C9: variants seen among roughly 807,000 people sequenced by gnomAD.
C9 encodes the protein complement component C9.
In C9, 63 loss-of-function variants were observed where a neutral mutation model predicts 65.4. The observed-to-expected ratio is 0.96, with a 90% CI of 0.79 to 1.19. C9 has a LOEUF of 1.19. C9 is among the 50% of genes most tolerant of loss of function. The probability of loss-of-function intolerance (pLI) is 0.00; values close to 1 mark genes in which losing one functional copy is unlikely to be tolerated. For synonymous variants in C9, 229 were observed against 227.9 expected (o/e 1.00, Z -0.04); for missense variants, 744 against 670.1 (o/e 1.11, Z -1.22).
chr5:39,328,450 G>C (rs1275747264), intron 5 of C9, among the ~76,000 whole-genome samples: 1 of 152,164 alleles, frequency 6.6e-6, no homozygotes, highest in East Asian at 1.9e-4. Context: ...TATAATGCTA[G>C]CTGTTTTTGT....
In C9 at chr5:39,285,382, A is replaced by G. The variant is rs539072742; in HGVS notation, c.1646-149T>C. ...CTGGGAATAGAATGTGGTGTAAGGT[A>G]CAAGGCACATTTTCATACCAGAAAG... On this transcript the variant is annotated intron_variant, in intron 10 of 10. Transcript: ENST00000263408. 781 of 700,826 alleles carry G rather than the reference A, an allele frequency of 1.1e-3. 8 individuals are homozygous for G. In the South Asian group the frequency reaches 0.012, roughly 11 times the overall value. 43.4% of individuals were successfully genotyped at this position (700,826 alleles called of 1,614,324 possible). A position where few individuals can be genotyped will look rare whatever the true frequency, so the allele number is the denominator to read the frequency against.
chr5:39,305,843 T>C (rs1216656203), intron 9 of C9, among the ~76,000 whole-genome samples: 2 of 152,128 alleles, frequency 1.3e-5, no homozygotes, highest in Non-Finnish European at 2.9e-5. Flanking sequence ...TATTTTCTTG[T>C]AGACTTTATG....
intron 1 of C9, among the ~76,000 whole-genome samples, chr5:39,347,280 C>T (rs1754216303): frequency 6.6e-6 from 1 of 152,174 alleles, no homozygotes; most frequent in Non-Finnish European, 1.5e-5. Flanking sequence ...ACTCCCTTGT[C>T]TCAGCCCCAA....
chr5:39,338,516 G>A (rs1167233282), intron 4 of C9, among the ~76,000 whole-genome samples: 2 of 152,136 alleles, frequency 1.3e-5, no homozygotes, highest in Non-Finnish European at 2.9e-5. Flanking sequence ...ATACAGTGTG[G>A]AAAAATATTT....
At chr5:39,306,838 G>T in intron 8 of C9, 46 bp from the exon 9 acceptor site, 1 of 1,368,830 alleles carries the variant, frequency 7.3e-7, no homozygotes, top group Non-Finnish European at 1.0e-6. Context: ...GAAGTTTAAA[G>T]AGAAGCCAGT....
chr5:39,290,288 A>C (rs1234520265), intron 9 of C9, among the ~76,000 whole-genome samples: 3 of 151,886 alleles, frequency 2.0e-5, no homozygotes, highest in African/African-American at 7.2e-5. Context: ...TAACATATAC[A>C]GGGAAATTTA....
At chr5:39,348,398 C>T (rs1377516361) in intron 1 of C9, among the ~76,000 whole-genome samples, 2 of 152,178 alleles carry the variant, frequency 1.3e-5, no homozygotes, top group Non-Finnish European at 2.9e-5. Context: ...GACATTTATG[C>T]AACCAACAGA....
Position 39,363,372 on chromosome 5 carries a change from C to T in C9, c.77+1016G>A, listed in dbSNP as rs1579888695. Among the ~76,000 whole-genome samples the T allele has an allele frequency of 2.0e-5, 3 of 152,264 alleles. No individual in the cohort carries two copies. In the South Asian group the frequency reaches 6.2e-4, roughly 32 times the overall value. Reference sequence around the variant, plus strand: ...TGAATAACCCACTTGTTGAGTGGAGCCCAGGCTGAATGGCGGCCTCCAACT... The same window carrying T: ...TGAATAACCCACTTGTTGAGTGGAGTCCAGGCTGAATGGCGGCCTCCAACT... On this transcript the variant is annotated intron_variant, in intron 1 of 10. Coordinates refer to ENST00000263408, the MANE Select transcript of C9 (RefSeq NM_001737.5).
At chr5:39,288,691 G>C in intron 10 of C9, 32 bp downstream of exon 10, 1 of 1,223,310 alleles carries the variant, frequency 8.2e-7, no homozygotes, top group South Asian at 1.2e-5. Context: ...GCATATTTTT[G>C]TCTTTAATCA....
At chr5:39,329,769 T>C (rs933185625) in intron 5 of C9, among the ~76,000 whole-genome samples, 2 of 152,198 alleles carry the variant, frequency 1.3e-5, no homozygotes, top group Admixed American at 6.5e-5. Context: ...AAGTATAATA[T>C]GTATAATTTG....
At chr5:39,347,406 T>G (rs1362151168) in intron 1 of C9, among the ~76,000 whole-genome samples, 1 of 152,096 alleles carries the variant, frequency 6.6e-6, no homozygotes. Context: ...AAATCATGAG[T>G]GAACTCCCAT....
At chr5:39,344,040 G>T (rs1004829638) in intron 1 of C9, among the ~76,000 whole-genome samples, 5 of 152,122 alleles carry the variant, frequency 3.3e-5, no homozygotes, top group Non-Finnish European at 7.4e-5. Context: ...CATCATCAAA[G>T]ACCAAAGGTA....
At chr5:39,359,008 T>A (rs1416796134) in intron 1 of C9, among the ~76,000 whole-genome samples, 20 of 52,952 alleles carry the variant, frequency 3.8e-4, no homozygotes, top group African/African-American at 2.0e-3. Flanking sequence ...AATAAATAAA[T>A]AAATAAAAAA....
chr5:39,325,655 C>T (rs1753734890), intron 5 of C9, among the ~76,000 whole-genome samples: 2 of 151,792 alleles, frequency 1.3e-5, no homozygotes, highest in African/African-American at 4.8e-5. Flanking sequence ...GCCTCAAATC[C>T]CAGCTACTCA....
chr5:39,327,506 TAAG>T (rs1026639132), intron 5 of C9, among the ~76,000 whole-genome samples: 65 of 152,268 alleles, frequency 4.3e-4, no homozygotes, highest in African/African-American at 1.6e-3. Context: ...AAGAATGTCT[TAAG>T]GAGGGATTTC....
intron 5 of C9, among the ~76,000 whole-genome samples, chr5:39,321,944 T>A (rs1287255017): frequency 6.6e-6 from 1 of 152,044 alleles, no homozygotes; most frequent in Non-Finnish European, 1.5e-5. Context: ...AGGCAGGTCA[T>A]CTGGAGAGAA....
At chr5:39,337,646 G>C (rs1317421826) in intron 4 of C9, among the ~76,000 whole-genome samples, 4 of 152,248 alleles carry the variant, frequency 2.6e-5, no homozygotes, top group African/African-American at 7.2e-5. Flanking sequence ...GTTATGCTTA[G>C]ATCACAAAAA....
chr5:39,329,659 T>C (rs1003080662), intron 5 of C9, among the ~76,000 whole-genome samples: 6 of 152,162 alleles, frequency 3.9e-5, no homozygotes, highest in East Asian at 3.8e-4. Context: ...GCCAATAAAT[T>C]ATTGCCAATA....
chr5:39,319,900 C>T (rs1399910572), intron 5 of C9, among the ~76,000 whole-genome samples: 1 of 152,128 alleles, frequency 6.6e-6, no homozygotes, highest in Non-Finnish European at 1.5e-5. Flanking sequence ...AAGCTCCAGG[C>T]CTTCCCCAGT....
Sources: gnomAD v4.1 joint callset for allele counts (sites outside exome capture counted in the v4.1 genomes callset) on GRCh38, gnomAD v4.1.1 for gene constraint, MANE v1.5 for transcripts, NCBI Gene and HGNC (gene_info 2026-07-23, HGNC 2026-07-21) for gene names.